Variants in LSR observed in about 807,000 individuals in gnomAD.
LSR encodes the protein lipolysis-stimulated lipoprotein receptor.
In LSR, 44 loss-of-function variants were observed where a neutral mutation model predicts 61.8. The observed-to-expected ratio is 0.71, with a 90% CI of 0.56 to 0.91. The LOEUF (loss-of-function observed/expected upper bound fraction) is 0.91. Among genes scored for constraint, LSR ranks in the 40% least tolerant of loss-of-function variants. The pLI, the probability that LSR is intolerant of heterozygous loss-of-function variation, is 0.00. For synonymous variants in LSR, 397 were observed against 350.6 expected (o/e 1.13, Z -1.48); for missense variants, 911 against 830.5 (o/e 1.10, Z -1.19).
intron 5 of LSR, 30 bp from the exon 6 acceptor site, chr19:35,266,327 TCC>T (rs1257494597): frequency 1.3e-6 from 2 of 1,528,812 alleles, no homozygotes; most frequent in South Asian, 1.3e-5. Flanking sequence ...TCCTGCCTCA[TCC>T]CCCTTCTCCT....
rs1314756020 is a variant in LSR at position 35,267,385 on chromosome 19, C to T, written c.1421C>T (p.Ala474Val). ...SPTSNGGRSR[A>V]YMPPRSRSRD... ...ACGAGTAATGGTGGGAGAAGCCGGG[C>T]CTACATGCCCCCGCGGAGCCGCAGC... The change falls in exon 9 of 10, where the codon GCC becomes GTC. Residue 474 changes from alanine (A) to valine (V), a missense_variant. Ala to Val is a moderately conservative substitution (Grantham distance 64, BLOSUM62 0). Transcript: ENST00000605618. The T allele has an allele frequency of 6.2e-7, 1 of 1,603,218 alleles. No individual in the cohort carries two copies. Among genetic ancestry groups the T allele is most frequent in the Non-Finnish European group, 8.5e-7 (1 of 1,175,730 alleles).
At chr19:35,265,033 C>T (rs1162990067) in intron 5 of LSR, among the ~76,000 whole-genome samples, 3 of 152,070 alleles carry the variant, frequency 2.0e-5, no homozygotes, top group Non-Finnish European at 2.9e-5. Flanking sequence ...TTAAGGAAGT[C>T]GCTGGCTAAT....
chr19:35,253,700 C>T (rs1368989346), intron 2 of LSR: 1 of 152,288 alleles, frequency 6.6e-6, no homozygotes, highest in Admixed American at 6.5e-5. Context: ...GTGGGCAGCT[C>T]AGCCATGAGC....
Position 35,249,053 on chromosome 19 carries a change from G to T in LSR, c.31G>T (p.Gly11Trp), listed in dbSNP as rs1381017800. 6.3e-7 allele frequency: 1 copy of T among 1,583,086 alleles called. No homozygotes were observed. The highest frequency in any genetic ancestry group is 2.3e-5 in the East Asian group (1 of 43,430). MALLAGGLSR[G>W]LGSHPAAAGR... ...GCTGTTGGCCGGCGGGCTCTCCAGA[G>T]GGCTGGGCTCCCACCCGGCCGCCGC... Residue 11 changes from glycine (G) to tryptophan (W), a missense_variant, in exon 1 of 10, where the codon GGG (glycine) becomes TGG (tryptophan). Gly to Trp is a radical substitution (Grantham distance 184). Coordinates refer to ENST00000605618, the MANE Select transcript of LSR (RefSeq NM_205834.4).
In LSR at chr19:35,259,083, G is replaced by A; in HGVS notation, c.574+19G>A. Reference sequence around the variant, plus strand: ...GTCCTTGGTGAGTGGGCCTGGGAAGGGGGAGGCATGGCCCTTCCTTTTGTC... The same window carrying A: ...GTCCTTGGTGAGTGGGCCTGGGAAGAGGGAGGCATGGCCCTTCCTTTTGTC... On this transcript the variant is annotated intron_variant, in intron 3 of 9. Transcript: ENST00000605618. 2 of 1,608,722 alleles carry A rather than the reference G, an allele frequency of 1.2e-6. No homozygotes were observed. The highest frequency in any genetic ancestry group is 1.1e-5 in the South Asian group (1 of 90,606).
Position 35,267,197 on chromosome 19 carries a change from G to GT in LSR, c.1234dup (p.Trp412LeufsTer57). On this transcript the variant is annotated frameshift_variant, in exon 9 of 10. Coordinates refer to ENST00000605618, the MANE Select transcript of LSR (RefSeq NM_205834.4). LOFTEE classifies it high-confidence loss of function. The stretch of plus-strand genomic sequence containing the variant: ...CCCTCACCCCGATCCGGGATGAGGA[G>GT]TGGGGTGGCCACTCCCCCCGGAGTC... 1 of 1,523,184 alleles carries GT rather than the reference G, an allele frequency of 6.6e-7. No homozygotes were observed. The highest frequency in any genetic ancestry group is 8.8e-7 in the Non-Finnish European group (1 of 1,138,608). The allele number at this position is 1,523,184 out of a possible 1,614,324, so 94.4% of individuals were successfully genotyped here.
intron 2 of LSR, among the ~76,000 whole-genome samples, chr19:35,257,247 G>T (rs2065867221): frequency 6.6e-6 from 1 of 152,192 alleles, no homozygotes. Flanking sequence ...TTTTCACCAG[G>T]CAAAGGATGG....
At chr19:35,251,238 C>T (rs756112309) in intron 2 of LSR, among the ~76,000 whole-genome samples, 5 of 152,160 alleles carry the variant, frequency 3.3e-5, no homozygotes, top group Non-Finnish European at 7.3e-5. Context: ...CCACTTCCCT[C>T]GTGGAGCCCA....
At position 35,250,378 on chromosome 19, in the gene LSR, C is replaced by T. The variant is rs1250196834; in HGVS notation, c.173C>T (p.Pro58Leu). Residue 58 changes from proline to leucine, a missense_variant, in exon 2 of 10, where the codon CCT becomes CTT. Transcript: ENST00000605618. ...TACCACGTGGTGATCCTCTTCCAGCCTGTGACCCTGCCCTGTACCTACCAG... is the reference window on the plus strand; with the variant it reads ...TACCACGTGGTGATCCTCTTCCAGCTTGTGACCCTGCCCTGTACCTACCAG... Reference protein sequence around the residue: ...NPYHVVILFQPVTLPCTYQMT... With the variant: ...NPYHVVILFQLVTLPCTYQMT... 6.2e-7 allele frequency: 1 copy of T among 1,600,954 alleles called. No homozygotes were observed. Among genetic ancestry groups the T allele is most frequent in the East Asian group, 2.2e-5 (1 of 44,482 alleles).
Position 35,250,622 on chromosome 19 carries a change from AGATTACTACCAGGGCC to A in LSR, c.419_434del (p.Asp140GlyfsTer11), listed in dbSNP as rs1453042116. On this transcript the variant is annotated frameshift_variant, in exon 2 of 10. Transcript: ENST00000605618. LOFTEE classifies it high-confidence loss of function. The stretch of plus-strand genomic sequence containing the variant: ...AGCAGGGCAACGCTGTGACCCTGGG[AGATTACTACCAGGGCC>A]GGAGGATTACCATCACCGGAAGTAT... 1 of 1,588,812 alleles carries A rather than the reference AGATTACTACCAGGGCC, an allele frequency of 6.3e-7. No individual in the cohort carries two copies. Among genetic ancestry groups the A allele is most frequent in the Non-Finnish European group, 8.6e-7 (1 of 1,162,262 alleles).
At chr19:35,253,850 C>G (rs550680505) in intron 2 of LSR, among the ~76,000 whole-genome samples, 2 of 152,256 alleles carry the variant, frequency 1.3e-5, no homozygotes, top group African/African-American at 4.8e-5. Context: ...CTGCTGGACG[C>G]AAAAGTCCAG....
Position 35,266,493 on chromosome 19 carries a change from C to T in LSR, c.913C>T (p.Pro305Ser). 12 of 1,611,532 alleles carry T rather than the reference C, an allele frequency of 7.4e-6. No individual in the cohort carries two copies. Among genetic ancestry groups the T allele is most frequent in the Non-Finnish European group, 1.0e-5 (12 of 1,178,520 alleles). ...IPMGPAYNGY[P>S]GGYPGDVDRS... is the part of the protein sequence containing the mutation. ...CATGGGCCCTGCCTACAACGGGTAC[C>T]CTGGAGGATACCCTGGAGACGTTGA... The change falls in exon 6 of 10, where the codon CCT becomes TCT. Residue 305 changes from proline (P) to serine (S), a missense_variant. Transcript: ENST00000605618.
At position 35,250,087 on chromosome 19, in the gene LSR, A is replaced by G. The variant is rs562975780; in HGVS notation, c.110-228A>G. Among the ~76,000 whole-genome samples, 4 of 152,234 alleles carry G rather than the reference A, an allele frequency of 2.6e-5. No individual in the cohort carries two copies. In the South Asian group the frequency reaches 6.2e-4, roughly 24 times the overall value. ...GGAAGAGGGATGGCGGGCGAGTCCA[A>G]GGAAACTGGCCGTGTCACCGTGCAC... On this transcript the variant is annotated intron_variant, in intron 1 of 9. Coordinates refer to ENST00000605618, the MANE Select transcript of LSR (RefSeq NM_205834.4).
intron 3 of LSR, among the ~76,000 whole-genome samples, chr19:35,259,956 A>G (rs1046657552): frequency 1.3e-5 from 2 of 152,218 alleles, no homozygotes; most frequent in African/African-American, 4.8e-5. Context: ...AAGCCAACAC[A>G]TGGAGTCTTG....
rs557223558 is a variant in LSR at position 35,259,061 on chromosome 19, C to T, written c.571C>T (p.Leu191Phe). Residue 191 changes from leucine (L) to phenylalanine (F), a missense_variant, in exon 3 of 10, where the codon CTT becomes TTT. By Grantham distance (22) the Leu-to-Phe change is conservative (BLOSUM62 0). Coordinates refer to ENST00000605618, the MANE Select transcript of LSR (RefSeq NM_205834.4). ...TGAGGCCTACGCAGAGCTCATCGTC[C>T]TTGGTGAGTGGGCCTGGGAAGGGGG... is the stretch of plus-strand genomic sequence containing the variant. ...NNEAYAELIV[L>F]GRTSGVAELL... The T allele has an allele frequency of 9.7e-5, 156 of 1,612,400 alleles. 3 individuals carry two copies. In the South Asian group the frequency reaches 1.6e-3, roughly 17 times the overall value.
chr19:35,250,000 C>T (rs1310534810), intron 1 of LSR, among the ~76,000 whole-genome samples: 3 of 152,078 alleles, frequency 2.0e-5, no homozygotes, highest in Non-Finnish European at 2.9e-5. Context: ...CACAGAGGCC[C>T]CTTGTTGTGG....
At position 35,250,549 on chromosome 19, in the gene LSR, A is replaced by T. The variant is rs748521673; in HGVS notation, c.344A>T (p.Tyr115Phe). The T allele has an allele frequency of 6.2e-7, 1 of 1,613,930 alleles. No homozygotes were observed. Among genetic ancestry groups the T allele is most frequent in the South Asian group, 1.1e-5 (1 of 91,058 alleles). The change falls in exon 2 of 10, where the codon TAC becomes TTC. Residue 115 changes from tyrosine to phenylalanine, a missense_variant. Coordinates refer to ENST00000605618, the MANE Select transcript of LSR (RefSeq NM_205834.4). ...LAAGNPGYNP[Y>F]VECQDSVRTV... ...GCCGGGAACCCAGGCTACAACCCCT[A>T]CGTTGAGTGCCAGGACAGCGTGCGC...
rs767742963 is a variant in LSR, at chr19:35,267,361, C to T, written c.1397C>T (p.Thr466Met). 3.3e-6 allele frequency: 5 copies of T among 1,525,578 alleles called. No homozygotes were observed. The Admixed American group carries it at 8.0e-5, about 24-fold the overall frequency. 94.5% of individuals were successfully genotyped at this position (1,525,578 alleles called of 1,614,324 possible). A position where few individuals can be genotyped will look rare whatever the true frequency, so the allele number is the denominator to read the frequency against. The change falls in exon 9 of 10, where the codon ACG (threonine) becomes ATG (methionine). Residue 466 changes from threonine to methionine, a missense_variant. Thr to Met is a moderately conservative substitution (Grantham distance 81). Coordinates refer to ENST00000605618, the MANE Select transcript of LSR (RefSeq NM_205834.4). Reference protein sequence around the residue: ...STAESGSRSPTSNGGRSRAYM... With the variant: ...STAESGSRSPMSNGGRSRAYM... ...GCCGAGTCAGGGAGCAGGTCTCCCA[C>T]GAGTAATGGTGGGAGAAGCCGGGCC...
At position 35,258,843 on chromosome 19, in the gene LSR, T is replaced by G. The variant is rs189692944; in HGVS notation, c.455-102T>G. 6.5e-5 allele frequency: 96 copies of G among 1,469,690 alleles called. 1 individual carries two copies. The African/African-American group carries it at 1.2e-3, about 19-fold the overall frequency. 91.0% of individuals were successfully genotyped at this position (1,469,690 alleles called of 1,614,324 possible). A position where few individuals can be genotyped will look rare whatever the true frequency, so the allele number is the denominator to read the frequency against. The stretch of plus-strand genomic sequence containing the variant: ...ATCATCTGCAGCCTGCCCAGCCCAC[T>G]GCTTGCCCCCTCCTGGGTGTGCTGG... On this transcript the variant is annotated intron_variant, in intron 2 of 9. Coordinates refer to ENST00000605618, the MANE Select transcript of LSR (RefSeq NM_205834.4).
Sources: allele counts gnomAD v4.1 joint callset (sites outside exome capture counted in the v4.1 genomes callset), GRCh38; gene constraint gnomAD v4.1.1; transcripts MANE v1.5; gene names NCBI Gene and HGNC (gene_info 2026-07-23, HGNC 2026-07-21).